Variants in EFL1 observed in about 807,000 individuals in gnomAD.
The protein encoded by EFL1 is elongation factor like GTPase 1.
A neutral mutation model predicts 126.7 loss-of-function variants in EFL1; 76 were observed. The ratio of observed to expected loss-of-function variants is 0.60; its 90% CI spans 0.50 to 0.73. The LOEUF is 0.73. Ranked by LOEUF, EFL1 falls within the 30% of genes least tolerant of loss-of-function variation. The pLI, the probability that EFL1 is intolerant of heterozygous loss-of-function variation, is 0.00. For missense variants in EFL1, 1,128 were observed against 1,343.2 expected, an observed-to-expected ratio of 0.84 and a Z score of 2.50; for synonymous variants, 410 against 448.4, an observed-to-expected ratio of 0.91 and a Z score of 1.08.
chr15:82,182,775 A>G (rs574484829), intron 15 of EFL1, among the ~76,000 whole-genome samples: 1 of 152,080 alleles, frequency 6.6e-6, no homozygotes, highest in Non-Finnish European at 1.5e-5. Context: ...CAGTGAACCG[A>G]GATCGCGCCA....
In EFL1 at chr15:82,151,868, G is replaced by C. The variant is rs781191206; in HGVS notation, c.2586C>G (p.Tyr862Ter). 1.2e-6 allele frequency: 2 copies of C among 1,614,116 alleles called. No individual in the cohort carries two copies. Among genetic ancestry groups the C allele is most frequent in the Non-Finnish European group, 8.5e-7 (1 of 1,180,024 alleles). The change falls in exon 18 of 20, where the codon TAC (tyrosine) becomes TAG (stop). Residue 862 changes from tyrosine to a stop codon, truncating the protein, a stop_gained. Coordinates refer to ENST00000268206, the MANE Select transcript of EFL1 (RefSeq NM_024580.6). LOFTEE classifies it high-confidence loss of function. ...TCACAATGCTATTGCCCAAATCTCG[G>C]TATCTACTGGCTTCTTTTGAAGCTT... is the stretch of plus-strand genomic sequence containing the variant. ...ADKASKEASR[Y>*]RDLGNSIVSG...
chr15:82,200,777 C>T (rs1173186501), intron 15 of EFL1, among the ~76,000 whole-genome samples: 1 of 152,182 alleles, frequency 6.6e-6, no homozygotes, highest in Admixed American at 6.5e-5. Flanking sequence ...ATGTTCAGAC[C>T]AAGAAAGTAT....
chr15:82,225,096 C>A (rs777883011), intron 12 of EFL1, 69 bp downstream of exon 12: 5 of 1,288,218 alleles, frequency 3.9e-6, no homozygotes, highest in African/African-American at 1.5e-5. Flanking sequence ...CCCCTACCCA[C>A]AGCCCAACTG....
intron 15 of EFL1, among the ~76,000 whole-genome samples, chr15:82,168,129 C>T (rs2074098057): frequency 6.6e-6 from 1 of 152,214 alleles, no homozygotes; most frequent in Admixed American, 6.5e-5. Flanking sequence ...TGCTTTAGGC[C>T]CCCTTGCATT....
chr15:82,236,085 GA>G (rs980420614), intron 7 of EFL1, among the ~76,000 whole-genome samples: 1 of 151,522 alleles, frequency 6.6e-6, no homozygotes, highest in Non-Finnish European at 1.5e-5. Flanking sequence ...TCAGAAAAAT[GA>G]AAAATTAAGT....
chr15:82,200,331 T>C (rs1408760579), intron 15 of EFL1, among the ~76,000 whole-genome samples: 8 of 152,220 alleles, frequency 5.3e-5, no homozygotes, highest in African/African-American at 1.2e-4. Flanking sequence ...CTTAAGTCTA[T>C]ACAGCACACC....
intron 15 of EFL1, among the ~76,000 whole-genome samples, chr15:82,192,243 T>C (rs1305106407): frequency 6.6e-6 from 1 of 151,764 alleles, no homozygotes. Flanking sequence ...CTACTAAAAA[T>C]ACAAAAATTA....
intron 15 of EFL1, among the ~76,000 whole-genome samples, chr15:82,206,157 T>G (rs1735568504): frequency 6.6e-6 from 1 of 152,102 alleles, no homozygotes. Context: ...TAAAAGAAAT[T>G]CATTCCAAAT....
chr15:82,220,153 G>C lies in EFL1; in HGVS notation c.1369C>G (p.Gln457Glu). Residue 457 changes from glutamine to glutamate, a missense_variant, in exon 13 of 20, where the codon CAG becomes GAG. Gln to Glu is a conservative substitution (Grantham distance 29). This residue lies in a region of EFL1 where 120 missense variants were observed against 142.1 expected (regional missense o/e 0.84). Transcript: ENST00000268206. ...QRHAEKLAAA[Q>E]GQAPLEPTQD... ...GTGGGCTCCAAGGGTGCCTGTCCCTGTGCTGCTGCAAGCTTCTCTGCATGC... is the reference window on the plus strand; with the variant it reads ...GTGGGCTCCAAGGGTGCCTGTCCCTCTGCTGCTGCAAGCTTCTCTGCATGC... The C allele has an allele frequency of 6.2e-7, 1 of 1,613,914 alleles. No individual in the cohort carries two copies. The highest frequency in any genetic ancestry group is 8.5e-7 in the Non-Finnish European group (1 of 1,179,870).
intron 14 of EFL1, among the ~76,000 whole-genome samples, chr15:82,217,894 G>A (rs1179915055): frequency 6.6e-6 from 1 of 152,196 alleles, no homozygotes; most frequent in African/African-American, 2.4e-5. Context: ...TTGATGAAGA[G>A]GGCCTCCAAG....
chr15:82,169,427 G>A (rs1421065364), intron 15 of EFL1, among the ~76,000 whole-genome samples: 2 of 152,072 alleles, frequency 1.3e-5, no homozygotes, highest in African/African-American at 4.8e-5. Context: ...AGAGAGAACT[G>A]AGGTAGAGCT....
intron 18 of EFL1, among the ~76,000 whole-genome samples, chr15:82,147,747 C>A (rs1163873050): frequency 2.0e-5 from 3 of 151,766 alleles, no homozygotes; most frequent in Non-Finnish European, 4.4e-5. Flanking sequence ...AATTCCTTTG[C>A]AGAGTAATGA....
Position 82,241,368 on chromosome 15 carries a change from G to C in EFL1, c.280C>G (p.Pro94Ala), listed in dbSNP as rs767683531. ...EEYLINLIDS[P>A]GHVDFSSEVS... ...TCTGAGGAAAAGTCCACGTGTCCTG[G>C]AGAGTCTATCAGATTGATCAGGTAC... is the stretch of plus-strand genomic sequence containing the variant. Residue 94 changes from proline to alanine, a missense_variant, in exon 5 of 20, where the codon CCA becomes GCA. Physicochemically the swap from Pro to Ala is conservative, Grantham distance 27 (BLOSUM62 -1). Around this residue, in one of 6 missense-constraint regions of EFL1, gnomAD observed 118 missense variants for 188.1 expected, o/e 0.63. Transcript: ENST00000268206. The C allele has an allele frequency of 1.2e-6, 2 of 1,614,042 alleles. No homozygotes were observed. Among genetic ancestry groups the C allele is most frequent in the East Asian group, 2.2e-5 (1 of 44,872 alleles).
intron 7 of EFL1, among the ~76,000 whole-genome samples, chr15:82,232,075 T>A (rs1220725560): frequency 6.6e-6 from 1 of 152,146 alleles, no homozygotes; most frequent in Non-Finnish European, 1.5e-5. Flanking sequence ...GCCATGCAGA[T>A]TTGCAAATCC....
At chr15:82,210,107 C>A (rs879763145) in intron 15 of EFL1, among the ~76,000 whole-genome samples, 1 of 152,164 alleles carries the variant, frequency 6.6e-6, no homozygotes, top group Non-Finnish European at 1.5e-5. Context: ...CAGGTGTGCC[C>A]TGATCACTAT....
chr15:82,261,982 C>G lies in EFL1; in HGVS notation c.-19-185G>C, dbSNP rs140557826. On this transcript the variant is annotated intron_variant, in intron 1 of 19. Transcript: ENST00000268206. ...CAGTTCGAGCACTAAAGTCAGTATC[C>G]TACCACGATTACACTTAAGGAGTTT... The G allele has an allele frequency of 2.7e-3, 1,442 of 532,420 alleles. 19 individuals carry two copies. The highest frequency in any genetic ancestry group is 0.025 in the African/African-American group (1,306 of 52,818). 33.0% of individuals were successfully genotyped at this position (532,420 alleles called of 1,614,324 possible). A position where few individuals can be genotyped will look rare whatever the true frequency, so the allele number is the denominator to read the frequency against.
intron 8 of EFL1, among the ~76,000 whole-genome samples, chr15:82,230,269 T>C (rs550096563): frequency 2.8e-4 from 43 of 152,238 alleles, no homozygotes; most frequent in Non-Finnish European, 5.3e-4. Context: ...GCAATGTATA[T>C]GATTTTCAAT....
intron 15 of EFL1, among the ~76,000 whole-genome samples, chr15:82,180,736 C>T (rs917601420): frequency 1.3e-5 from 2 of 151,420 alleles, no homozygotes; most frequent in African/African-American, 2.4e-5. Context: ...ACATGGTATA[C>T]GGGTAATTTT....
intron 15 of EFL1, among the ~76,000 whole-genome samples, chr15:82,168,748 A>G (rs547457618): frequency 6.6e-6 from 1 of 152,184 alleles, no homozygotes. Flanking sequence ...TCCTGACTTC[A>G]AGTGATCCGC....
Sources: allele counts gnomAD v4.1 joint callset (sites outside exome capture counted in the v4.1 genomes callset), GRCh38; gene constraint gnomAD v4.1.1; regional missense constraint gnomAD v4.1.1; transcripts MANE v1.5; gene names NCBI Gene and HGNC (gene_info 2026-07-23, HGNC 2026-07-21).